YEATS4: variants seen among roughly 807,000 people sequenced by gnomAD.
YEATS4 encodes the protein YEATS domain containing 4, also known as YEATS domain-containing protein 4.
Under a neutral mutation model 30.1 loss-of-function variants are expected in YEATS4, and 17 were observed. The observed-to-expected ratio is 0.56, with a 90% confidence interval of 0.39 to 0.85. The LOEUF is 0.85. YEATS4 is among the 40% of genes least tolerant of loss of function. YEATS4 has a pLI of 0.00. For synonymous variants in YEATS4, 85 were observed against 87.5 expected, an observed-to-expected ratio of 0.97 and a Z score of 0.16; for missense variants, 142 against 268.3, an observed-to-expected ratio of 0.53 and a Z score of 3.29.
chr12:69,383,138 C>G (rs1402818221), intron 6 of YEATS4, among the ~76,000 whole-genome samples: 1 of 152,114 alleles, frequency 6.6e-6, no homozygotes, highest in Non-Finnish European at 1.5e-5. Flanking sequence ...GTGGCACATT[C>G]CTGTAGTACC....
Position 69,374,749 on chromosome 12 carries a change from C to T in YEATS4, c.514+3774C>T, listed in dbSNP as rs1221547279. Reference sequence around the variant, plus strand: ...AGGCAGAAGAATTTTTCTTAGTACACAACAAAATGGAGTCTCCTATGTCTA... The same window carrying T: ...AGGCAGAAGAATTTTTCTTAGTACATAACAAAATGGAGTCTCCTATGTCTA... On this transcript the variant is annotated intron_variant, in intron 6 of 6. Transcript: ENST00000247843. Among the ~76,000 whole-genome samples, 6 of 152,064 alleles carry T rather than the reference C, an allele frequency of 3.9e-5. No homozygotes were observed. In the South Asian group the frequency reaches 8.3e-4, roughly 21 times the overall value.
intron 6 of YEATS4, among the ~76,000 whole-genome samples, chr12:69,380,225 C>A (rs1274953606): frequency 6.6e-6 from 1 of 152,156 alleles, no homozygotes; most frequent in Non-Finnish European, 1.5e-5. Context: ...TTTGTTGTAC[C>A]TGTCCTTGGG....
At chr12:69,406,696 C>T in the YEATS4 span, among the ~76,000 whole-genome samples, 1 of 152,058 alleles carries the variant, frequency 6.6e-6, no homozygotes, top group Non-Finnish European at 1.5e-5. Context: ...ATGTCATGAA[C>T]TTTTTCTAGA....
chr12:69,421,740 C>T, the YEATS4 span, among the ~76,000 whole-genome samples: 5 of 152,278 alleles, frequency 3.3e-5, no homozygotes, highest in South Asian at 1.0e-3. Context: ...ACCTGGTGAC[C>T]ACATGCCCCA....
intron 6 of YEATS4, among the ~76,000 whole-genome samples, chr12:69,376,766 A>G (rs910250872): frequency 6.6e-6 from 1 of 152,110 alleles, no homozygotes; most frequent in East Asian, 1.9e-4. Flanking sequence ...GAATAGTTTG[A>G]GTAGGGTTGG....
the YEATS4 span, among the ~76,000 whole-genome samples, chr12:69,397,572 C>T: frequency 6.6e-6 from 1 of 152,198 alleles, no homozygotes; most frequent in Non-Finnish European, 1.5e-5. Flanking sequence ...GTAAGACATG[C>T]CTTTGCTCAT....
At chr12:69,387,529 T>G (rs1321873531) in intron 6 of YEATS4, among the ~76,000 whole-genome samples, 1 of 152,228 alleles carries the variant, frequency 6.6e-6, no homozygotes, top group Non-Finnish European at 1.5e-5. Flanking sequence ...GGAGATACTC[T>G]GAGTGTACAT....
chr12:69,404,080 G>A, the YEATS4 span, among the ~76,000 whole-genome samples: 2 of 151,872 alleles, frequency 1.3e-5, no homozygotes, highest in African/African-American at 4.8e-5. Flanking sequence ...CTTACCCATG[G>A]TTTCAAACAC....
chr12:69,426,717 AG>A, the YEATS4 span, among the ~76,000 whole-genome samples: 4 of 152,236 alleles, frequency 2.6e-5, no homozygotes, highest in Non-Finnish European at 5.9e-5. Context: ...AAAACAGCAC[AG>A]GATTTCTAAA....
downstream of YEATS4, among the ~76,000 whole-genome samples, chr12:69,394,400 A>G (rs890406431): frequency 6.6e-6 from 1 of 152,254 alleles, no homozygotes; most frequent in Non-Finnish European, 1.5e-5. Flanking sequence ...CAAAAGGAGC[A>G]AAAGACTTGA....
At chr12:69,386,738 T>C (rs76122954) in intron 6 of YEATS4, among the ~76,000 whole-genome samples, 2,297 of 152,234 alleles carry the variant, frequency 0.015, 55 homozygotes, top group African/African-American at 0.051. Flanking sequence ...AAAAATGTAC[T>C]CATGTCACAA....
At chr12:69,368,182 G>T (rs1185025043) in intron 4 of YEATS4, among the ~76,000 whole-genome samples, 1 of 152,140 alleles carries the variant, frequency 6.6e-6, no homozygotes, top group Non-Finnish European at 1.5e-5. Context: ...AAAATGTCCA[G>T]TGAAGGTTTA....
downstream of YEATS4, among the ~76,000 whole-genome samples, chr12:69,391,591 T>C (rs544472044): frequency 2.0e-4 from 31 of 152,254 alleles, no homozygotes; most frequent in African/African-American, 6.7e-4. Context: ...TTGTGACTTT[T>C]GCAATTATTA....
intron 6 of YEATS4, among the ~76,000 whole-genome samples, chr12:69,387,793 A>G (rs868269446): frequency 2.0e-5 from 3 of 152,234 alleles, no homozygotes; most frequent in Non-Finnish European, 4.4e-5. Context: ...AACAGTGATT[A>G]TCTCTGGGAA....
intron 4 of YEATS4, among the ~76,000 whole-genome samples, chr12:69,367,124 T>C (rs1356292821): frequency 6.6e-6 from 1 of 152,188 alleles, no homozygotes; most frequent in African/African-American, 2.4e-5. Flanking sequence ...AATTAACTTA[T>C]GTCACTAAGT....
At chr12:69,421,035 T>A in the YEATS4 span, among the ~76,000 whole-genome samples, 1 of 152,086 alleles carries the variant, frequency 6.6e-6, no homozygotes, top group Admixed American at 6.6e-5. Flanking sequence ...TTGGTTTTTG[T>A]TTTGGGGGGA....
At chr12:69,386,811 C>A (rs776061558) in intron 6 of YEATS4, among the ~76,000 whole-genome samples, 4 of 152,046 alleles carry the variant, frequency 2.6e-5, no homozygotes, top group Non-Finnish European at 5.9e-5. Context: ...TCCAAGAACC[C>A]CAGTGGATGC....
downstream of YEATS4, among the ~76,000 whole-genome samples, chr12:69,392,100 C>T (rs1868320521): frequency 6.6e-6 from 1 of 152,044 alleles, no homozygotes; most frequent in Non-Finnish European, 1.5e-5. Flanking sequence ...AGAGATTTCT[C>T]CAAGGAAGGT....
chr12:69,363,507 G>A (rs1875314755), intron 2 of YEATS4, among the ~76,000 whole-genome samples: 1 of 152,132 alleles, frequency 6.6e-6, no homozygotes, highest in Non-Finnish European at 1.5e-5. Flanking sequence ...TCATATCTAA[G>A]TTAACATAGT....
Sources: allele counts gnomAD v4.1 joint callset (sites outside exome capture counted in the v4.1 genomes callset), GRCh38; gene constraint gnomAD v4.1.1; transcripts MANE v1.5; gene names NCBI Gene and HGNC (gene_info 2026-07-23, HGNC 2026-07-21).